Variants in JMJD1C observed in about 807,000 individuals in gnomAD.
JMJD1C encodes the protein jumonji domain-containing protein 1C.
JMJD1C carries 31 observed loss-of-function variants against 245.3 expected under a neutral mutation model. That is an observed-to-expected ratio of 0.13 (90% CI 0.09 to 0.17). JMJD1C has a LOEUF of 0.17. Among genes scored for constraint, JMJD1C ranks in the 10% least tolerant of loss-of-function variants. The pLI is 1.00. For synonymous variants in JMJD1C, 1,057 were observed against 1,017.4 expected (o/e 1.04, Z -0.74); for missense variants, 2,691 against 3,000.2 (o/e 0.90, Z 2.41).
At position 63,176,170 on chromosome 10, in the gene JMJD1C, C is replaced by A. The variant is rs1842844087; in HGVS notation, c.7401+127G>T. 6 of 520,438 alleles carry A rather than the reference C, an allele frequency of 1.2e-5. No individual in the cohort carries two copies. In the East Asian group the frequency reaches 1.5e-4, roughly 13 times the overall value. The allele number at this position is 520,438 out of a possible 1,614,324, so 32.2% of individuals were successfully genotyped here. A position where few individuals can be genotyped will look rare whatever the true frequency, so the allele number is the denominator to read the frequency against. ...CACTGAGATGTCATTCTAATAAAGG[C>A]AGACTGGTGCAGGTAATTCTCTTAT... On this transcript the variant is annotated intron_variant, in intron 24 of 25. Transcript: ENST00000399262.
Position 63,193,029 on chromosome 10 carries a change from G to T in JMJD1C, c.5985C>A (p.Gly1995=). 6.2e-7 allele frequency: 1 copy of T among 1,614,076 alleles called. No individual in the cohort carries two copies. The highest frequency in any genetic ancestry group is 8.5e-7 in the Non-Finnish European group (1 of 1,179,988). ...NGGSSPESDV[G]TDNKLTPPES... is the part of the protein sequence containing the mutation. ...CTGGAGGAGTTAACTTGTTATCTGT[G>T]CCTACATCACTCTCTGGGCTGCTGC... Residue 1995 remains glycine, a synonymous_variant, in exon 16 of 26, where the codon GGC becomes GGA. Transcript: ENST00000399262.
intron 2 of JMJD1C, among the ~76,000 whole-genome samples, chr10:63,314,686 C>T (rs1939705700): frequency 1.3e-5 from 2 of 150,174 alleles, no homozygotes; most frequent in South Asian, 4.2e-4. Context: ...TTCACTCTAT[C>T]GCCCAGGCTG....
chr10:63,358,072 T>A (rs1255052463), intron 2 of JMJD1C, among the ~76,000 whole-genome samples: 1 of 152,078 alleles, frequency 6.6e-6, no homozygotes, highest in East Asian at 1.9e-4. Flanking sequence ...CTGTTTTGAA[T>A]TACAATAATG....
chr10:63,357,866 C>CACACACACACACACAG, intron 2 of JMJD1C, among the ~76,000 whole-genome samples: 1 of 137,872 alleles, frequency 7.3e-6, no homozygotes, highest in East Asian at 2.1e-4. Context: ...CACACACACA[C>CACACACACACACACAG]AGAGACAAAC....
At chr10:63,460,094 G>GT (rs1952680801) in intron 1 of JMJD1C, among the ~76,000 whole-genome samples, 1 of 152,166 alleles carries the variant, frequency 6.6e-6, no homozygotes, top group Non-Finnish European at 1.5e-5. Context: ...GTTCTATTCT[G>GT]TAAGTTAGCT....
At chr10:63,351,911 G>A (rs1230232170) in intron 2 of JMJD1C, among the ~76,000 whole-genome samples, 1 of 152,100 alleles carries the variant, frequency 6.6e-6, no homozygotes, top group Non-Finnish European at 1.5e-5. Flanking sequence ...GTAGTCCAAG[G>A]CCATCAGTGC....
At chr10:63,491,090 G>T (rs1048057260) in intron 1 of JMJD1C, among the ~76,000 whole-genome samples, 1 of 152,174 alleles carries the variant, frequency 6.6e-6, no homozygotes, top group Non-Finnish European at 1.5e-5. Flanking sequence ...TTTAGTGTGT[G>T]GGCAAGATAA....
chr10:63,515,199 T>C (rs961028336), intron 1 of JMJD1C, among the ~76,000 whole-genome samples: 1 of 152,190 alleles, frequency 6.6e-6, no homozygotes, highest in Non-Finnish European at 1.5e-5. Context: ...GAGTTAGGAA[T>C]TTCCTTTTCT....
intron 2 of JMJD1C, chr10:63,269,296 G>A: frequency 2.7e-6 from 2 of 740,134 alleles, no homozygotes; most frequent in African/African-American, 3.8e-5. Context: ...CCCCGTCACA[G>A]GTGCTGATGG....
chr10:63,204,225 A>G (rs1282513327), intron 10 of JMJD1C: 3 of 985,184 alleles, frequency 3.0e-6, no homozygotes, highest in Non-Finnish European at 3.6e-6. Flanking sequence ...TTGACTTAAT[A>G]TTACTTTGGA....
In JMJD1C at chr10:63,238,051, GGTGCCT is replaced by G. The variant is rs1308556201; in HGVS notation, c.448-18074_448-18069del. 3.4e-5 allele frequency among the ~76,000 whole-genome samples: 5 copies of G among 146,152 alleles called. No homozygotes were observed. In the East Asian group the frequency reaches 1.0e-3, roughly 29 times the overall value. On this transcript the variant is annotated intron_variant, in intron 3 of 25. Transcript: ENST00000399262. Reference sequence around the variant, plus strand: ...AAAAAAAAAGCCGGGTATGGAGGCAGGTGCCTGTAATCCCAGCTACTTGGGAGGCTG... The same window carrying G: ...AAAAAAAAAGCCGGGTATGGAGGCAGGTAATCCCAGCTACTTGGGAGGCTG...
At chr10:63,494,469 C>T (rs566001180) in intron 1 of JMJD1C, among the ~76,000 whole-genome samples, 29 of 152,136 alleles carry the variant, frequency 1.9e-4, no homozygotes, top group South Asian at 1.0e-3. Context: ...TTTAAATTAA[C>T]TTCTTTTTAT....
intron 2 of JMJD1C, among the ~76,000 whole-genome samples, chr10:63,358,124 G>C (rs914297092): frequency 6.6e-6 from 1 of 151,994 alleles, no homozygotes; most frequent in African/African-American, 2.4e-5. Flanking sequence ...TAACAAAAGA[G>C]ATGAATAGAT....
chr10:63,213,826 G>A lies in JMJD1C; in HGVS notation c.2341C>T (p.Pro781Ser), dbSNP rs1847651732. The change falls in exon 8 of 26, where the codon CCT becomes TCT. Residue 781 changes from proline to serine, a missense_variant. Pro to Ser is a moderately conservative substitution (Grantham distance 74). Around this residue, in one of 9 missense-constraint regions of JMJD1C, gnomAD observed 1,562 missense variants for 1,490.7 expected, o/e 1.05. Transcript: ENST00000399262. ...QTPLPTINTH[P>S]LTSGPHHAVH... ...GCATGGTGTGGACCACTAGTCAGAG[G>A]ATGAGTGTTAATGGTAGGTAATGGA... 5 of 1,613,998 alleles carry A rather than the reference G, an allele frequency of 3.1e-6. No individual in the cohort carries two copies. Among genetic ancestry groups the A allele is most frequent in the Middle Eastern group, 1.6e-4 (1 of 6,062 alleles).
At chr10:63,205,747 C>A (rs1056787425) in intron 10 of JMJD1C, among the ~76,000 whole-genome samples, 2 of 152,128 alleles carry the variant, frequency 1.3e-5, no homozygotes, top group African/African-American at 4.8e-5. Flanking sequence ...ATTTACGTAT[C>A]TGAACAAAGA....
intron 2 of JMJD1C, among the ~76,000 whole-genome samples, chr10:63,291,881 G>A (rs887410279): frequency 6.6e-6 from 1 of 152,068 alleles, no homozygotes; most frequent in Non-Finnish European, 1.5e-5. Flanking sequence ...GGGTGGGGGA[G>A]GTTGACTGGA....
In JMJD1C at chr10:63,167,260, C is replaced by T. The variant is rs1303891737; in HGVS notation, c.*785G>A. The T allele has an allele frequency of 1.3e-5, 2 of 152,428 alleles. No individual in the cohort carries two copies. The highest frequency in any genetic ancestry group is 2.1e-4 in the South Asian group (1 of 4,822). 9.4% of individuals were successfully genotyped at this position (152,428 alleles called of 1,614,324 possible). On this transcript the variant is annotated 3_prime_UTR_variant, in exon 26 of 26. Coordinates refer to ENST00000399262, the MANE Select transcript of JMJD1C (RefSeq NM_032776.3). Reference sequence around the variant, plus strand: ...AGTCCTTTTAATGGAAAATGTAAAACCCCTTTCAACTTTAATGTACAAAGC... The same window carrying T: ...AGTCCTTTTAATGGAAAATGTAAAATCCCTTTCAACTTTAATGTACAAAGC...
At chr10:63,459,559 A>G (rs1952642901) in intron 1 of JMJD1C, among the ~76,000 whole-genome samples, 1 of 152,230 alleles carries the variant, frequency 6.6e-6, no homozygotes, top group Admixed American at 6.5e-5. Flanking sequence ...ACACATTAAA[A>G]CAAATTAATT....
intron 1 of JMJD1C, among the ~76,000 whole-genome samples, chr10:63,499,858 G>T (rs1954486241): frequency 6.6e-6 from 1 of 152,108 alleles, no homozygotes; most frequent in African/African-American, 2.4e-5. Context: ...AATCATTATT[G>T]AATAAATCCT....
Sources: allele counts gnomAD v4.1 joint callset (sites outside exome capture counted in the v4.1 genomes callset), GRCh38; gene constraint gnomAD v4.1.1; regional missense constraint gnomAD v4.1.1; transcripts MANE v1.5; gene names NCBI Gene and HGNC (gene_info 2026-07-23, HGNC 2026-07-21).